The following NLGN1 variants were observed in gnomAD, a reference collection of about 807,000 sequenced individuals.
NLGN1 encodes the protein neuroligin-1.
Under a neutral mutation model 65.5 loss-of-function variants are expected in NLGN1, and 12 were observed. The ratio of observed to expected loss-of-function variants is 0.18; its 90% confidence interval spans 0.12 to 0.30. NLGN1 has a LOEUF of 0.30. Ranked by LOEUF, NLGN1 falls within the 10% of genes least tolerant of loss-of-function variation. The pLI is 1.00. For synonymous variants in NLGN1, 350 were observed against 359.5 expected (o/e 0.97, Z 0.30); for missense variants, 750 against 1,007.1 (o/e 0.74, Z 3.46).
chr3:173,780,521 A>T (rs546439437), intron 3 of NLGN1, among the ~76,000 whole-genome samples: 1 of 152,242 alleles, frequency 6.6e-6, no homozygotes, highest in Non-Finnish European at 1.5e-5. Context: ...TCAATGCCAC[A>T]TGTACTAGCA....
chr3:173,597,928 A>G (rs1749769968), intron 2 of NLGN1, among the ~76,000 whole-genome samples: 1 of 152,096 alleles, frequency 6.6e-6, no homozygotes, highest in Non-Finnish European at 1.5e-5. Flanking sequence ...GAGGTTTTCA[A>G]ACATTTTTTT....
chr3:173,769,129 A>G (rs1779206461), intron 3 of NLGN1, among the ~76,000 whole-genome samples: 1 of 152,168 alleles, frequency 6.6e-6, no homozygotes, highest in Admixed American at 6.6e-5. Flanking sequence ...CAGAAAGTCC[A>G]AATTAAGAGG....
At chr3:174,048,167 A>G (rs555832695) in intron 4 of NLGN1, among the ~76,000 whole-genome samples, 2 of 152,284 alleles carry the variant, frequency 1.3e-5, no homozygotes, top group South Asian at 4.1e-4. Flanking sequence ...CATCGTTGCT[A>G]TAAACATAAC....
chr3:173,870,757 A>G (rs1731022191), intron 4 of NLGN1, among the ~76,000 whole-genome samples: 1 of 152,196 alleles, frequency 6.6e-6, no homozygotes, highest in Non-Finnish European at 1.5e-5. Flanking sequence ...GTACACTGTG[A>G]TCGAATGAAA....
intron 4 of NLGN1, among the ~76,000 whole-genome samples, chr3:173,885,477 T>C (rs1734160863): frequency 6.6e-6 from 1 of 152,116 alleles, no homozygotes; most frequent in African/African-American, 2.4e-5. Flanking sequence ...TAATACATAT[T>C]GTAAAACTAA....
intron 4 of NLGN1, among the ~76,000 whole-genome samples, chr3:173,983,002 T>TA (rs1317462209): frequency 6.6e-6 from 1 of 152,148 alleles, no homozygotes; most frequent in Non-Finnish European, 1.5e-5. Context: ...TTTTTTCTCA[T>TA]AAAAAACATT....
At chr3:173,728,374 G>A (rs1023358441) in intron 3 of NLGN1, among the ~76,000 whole-genome samples, 2 of 152,088 alleles carry the variant, frequency 1.3e-5, no homozygotes, top group African/African-American at 4.8e-5. Context: ...GGTGGACTTT[G>A]CATGTATGTA....
At chr3:173,668,333 T>G (rs887440518) in intron 3 of NLGN1, among the ~76,000 whole-genome samples, 1 of 152,014 alleles carries the variant, frequency 6.6e-6, no homozygotes, top group African/African-American at 2.4e-5. Context: ...AGCAGAAAAA[T>G]ACCAGGCTCA....
At chr3:173,975,709 T>C (rs891741637) in intron 4 of NLGN1, among the ~76,000 whole-genome samples, 39 of 151,958 alleles carry the variant, frequency 2.6e-4, no homozygotes, top group African/African-American at 9.2e-4. Flanking sequence ...AGACCAAGAA[T>C]GCCCAGATCT....
chr3:174,138,719 C>T (rs1350420872), intron 4 of NLGN1, among the ~76,000 whole-genome samples: 1 of 152,120 alleles, frequency 6.6e-6, no homozygotes, highest in Non-Finnish European at 1.5e-5. Context: ...CAGGTGTGAG[C>T]CACCACAAAC....
intron 3 of NLGN1, among the ~76,000 whole-genome samples, chr3:173,760,117 A>G (rs563456152): frequency 2.0e-5 from 3 of 152,072 alleles, no homozygotes; most frequent in East Asian, 3.9e-4. Flanking sequence ...TTGCATTCCT[A>G]TAAAATCACC....
intron 4 of NLGN1, among the ~76,000 whole-genome samples, chr3:174,173,397 G>C (rs1457245178): frequency 6.6e-6 from 1 of 151,970 alleles, no homozygotes; most frequent in African/African-American, 2.4e-5. Flanking sequence ...GATCTTAGAG[G>C]AAAGGCTTTC....
intron 3 of NLGN1, among the ~76,000 whole-genome samples, chr3:173,613,544 C>T (rs1421374991): frequency 4.6e-5 from 7 of 152,078 alleles, no homozygotes. Context: ...GAATTTTAAA[C>T]ATTTTATCCA....
chr3:173,936,628 G>T (rs1745119704), intron 4 of NLGN1, among the ~76,000 whole-genome samples: 1 of 152,128 alleles, frequency 6.6e-6, no homozygotes, highest in South Asian at 2.1e-4. Flanking sequence ...AGGACCTTTA[G>T]AATGAACTAA....
At chr3:173,400,333 G>A (rs1452476357) in intron 1 of NLGN1, among the ~76,000 whole-genome samples, 1 of 152,012 alleles carries the variant, frequency 6.6e-6, no homozygotes, top group East Asian at 1.9e-4. Flanking sequence ...ACATGCCAAA[G>A]TCCACAACCC....
At chr3:174,182,043 A>G (rs1423531057) in intron 4 of NLGN1, among the ~76,000 whole-genome samples, 1 of 151,258 alleles carries the variant, frequency 6.6e-6, no homozygotes, top group Non-Finnish European at 1.5e-5. Flanking sequence ...TTCATTGTGC[A>G]GCAAAATGAG....
At chr3:174,168,242 G>A (rs1727891635) in intron 4 of NLGN1, among the ~76,000 whole-genome samples, 1 of 152,034 alleles carries the variant, frequency 6.6e-6, no homozygotes, top group Admixed American at 6.6e-5. Flanking sequence ...AGGGATCATT[G>A]CCAGAGAGCT....
intron 4 of NLGN1, among the ~76,000 whole-genome samples, chr3:174,095,115 T>A (rs533911560): frequency 6.6e-6 from 1 of 152,098 alleles, no homozygotes; most frequent in Non-Finnish European, 1.5e-5. Context: ...TGTTTCATGA[T>A]GTTTCTTTAT....
At chr3:173,885,212 CT>C (rs1254561977) in intron 4 of NLGN1, among the ~76,000 whole-genome samples, 3 of 152,030 alleles carry the variant, frequency 2.0e-5, no homozygotes, top group Non-Finnish European at 4.4e-5. Context: ...TTGTTGTATA[CT>C]TTTTTACCCT....
Sources: allele counts gnomAD v4.1 joint callset (sites outside exome capture counted in the v4.1 genomes callset), GRCh38; gene constraint gnomAD v4.1.1; transcripts MANE v1.5; gene names NCBI Gene and HGNC (gene_info 2026-07-23, HGNC 2026-07-21).